RPS6KC1: variants seen among roughly 807,000 people sequenced by gnomAD.
RPS6KC1 encodes the protein inactive ribosomal protein S6 kinase delta-1.
A neutral mutation model predicts 103.8 loss-of-function variants in RPS6KC1; 54 were observed. The ratio of observed to expected loss-of-function variants is 0.52; its 90% CI spans 0.42 to 0.65. The LOEUF is 0.65. RPS6KC1 is among the 30% of genes least tolerant of loss of function. RPS6KC1 has a pLI of 0.00. For synonymous variants in RPS6KC1, 439 were observed against 438.7 expected (o/e 1.00, Z -0.01); for missense variants, 1,151 against 1,253.8 (o/e 0.92, Z 1.24).
the RPS6KC1 span, among the ~76,000 whole-genome samples, chr1:213,674,680 G>T: frequency 6.6e-6 from 1 of 152,184 alleles, no homozygotes; most frequent in Non-Finnish European, 1.5e-5. Context: ...TTGCTGGGTT[G>T]AATGGTAGTT....
At chr1:213,858,437 G>T in the RPS6KC1 span, among the ~76,000 whole-genome samples, 2 of 152,240 alleles carry the variant, frequency 1.3e-5, no homozygotes, top group African/African-American at 2.4e-5. Context: ...GGGGGGCGGT[G>T]GTTCTGAGGC....
At chr1:213,515,647 T>C in the RPS6KC1 span, among the ~76,000 whole-genome samples, 10 of 152,326 alleles carry the variant, frequency 6.6e-5, no homozygotes, top group Non-Finnish European at 1.3e-4. Context: ...GTAGTATAGT[T>C]TGAAGTCAGG....
chr1:213,104,912 T>G (rs183209031), intron 4 of RPS6KC1, among the ~76,000 whole-genome samples: 16 of 152,088 alleles, frequency 1.1e-4, no homozygotes, highest in Admixed American at 7.2e-4. Context: ...AAAAAATTGA[T>G]GCAAAGAGCT....
At chr1:213,684,997 C>T in the RPS6KC1 span, among the ~76,000 whole-genome samples, 1 of 152,152 alleles carries the variant, frequency 6.6e-6, no homozygotes, top group Non-Finnish European at 1.5e-5. Flanking sequence ...CTGTCACTTG[C>T]ATCAAAAAAC....
At chr1:213,399,381 G>T in the RPS6KC1 span, among the ~76,000 whole-genome samples, 1 of 152,172 alleles carries the variant, frequency 6.6e-6, no homozygotes, top group African/African-American at 2.4e-5. Context: ...GCAGACAAGT[G>T]TAGAGTTGAG....
the RPS6KC1 span, among the ~76,000 whole-genome samples, chr1:213,699,236 C>G: frequency 6.6e-6 from 1 of 152,052 alleles, no homozygotes; most frequent in African/African-American, 2.4e-5. Flanking sequence ...CCTCTAGTAA[C>G]CATCCTTCTA....
At chr1:213,506,772 C>G in the RPS6KC1 span, among the ~76,000 whole-genome samples, 1 of 152,154 alleles carries the variant, frequency 6.6e-6, no homozygotes, top group Non-Finnish European at 1.5e-5. Context: ...GGTTTTGATG[C>G]TATAACTCAA....
intron 6 of RPS6KC1, among the ~76,000 whole-genome samples, chr1:213,148,955 A>G (rs1227635374): frequency 6.6e-6 from 1 of 152,132 alleles, no homozygotes; most frequent in Non-Finnish European, 1.5e-5. Context: ...TTTCCAATTT[A>G]TTGACATATA....
intron 14 of RPS6KC1, among the ~76,000 whole-genome samples, chr1:213,271,311 G>C (rs1407596181): frequency 6.6e-6 from 1 of 152,150 alleles, no homozygotes; most frequent in African/African-American, 2.4e-5. Flanking sequence ...AGTGAAAGAA[G>C]GCAGCGTCAA....
At chr1:213,658,745 A>G in the RPS6KC1 span, among the ~76,000 whole-genome samples, 4 of 152,202 alleles carry the variant, frequency 2.6e-5, no homozygotes, top group Non-Finnish European at 5.9e-5. Flanking sequence ...CAGAGTTATA[A>G]AAGGAAATGG....
chr1:213,083,053 A>G (rs2080047530), intron 3 of RPS6KC1, among the ~76,000 whole-genome samples: 1 of 152,196 alleles, frequency 6.6e-6, no homozygotes, highest in African/African-American at 2.4e-5. Context: ...TTAATTGAGT[A>G]AACCCCAATA....
chr1:213,051,599 C>T lies in RPS6KC1; in HGVS notation c.105+90C>T, dbSNP rs553132136. 6.4e-6 allele frequency: 6 copies of T among 944,132 alleles called. No homozygotes were observed. In the South Asian group the frequency reaches 7.4e-5, roughly 12 times the overall value. 58.5% of individuals were successfully genotyped at this position (944,132 alleles called of 1,614,324 possible). A position where few individuals can be genotyped will look rare whatever the true frequency, so the allele number is the denominator to read the frequency against. On this transcript the variant is annotated intron_variant, in intron 1 of 14. Transcript: ENST00000366960. ...CTGATGTGAGGGTACCTGACTCTGG[C>T]TCAGAGCCGAGGGTGGGACTGGGTG...
the RPS6KC1 span, among the ~76,000 whole-genome samples, chr1:213,786,272 C>T: frequency 2.0e-5 from 3 of 152,070 alleles, 1 homozygote; most frequent in South Asian, 6.2e-4. Context: ...AGCCTTAGCC[C>T]CAGCATTCTG....
intron 11 of RPS6KC1, 54 bp downstream of exon 11, chr1:213,242,351 C>CTG (rs1165161553): frequency 2.5e-6 from 4 of 1,580,136 alleles, no homozygotes; most frequent in Non-Finnish European, 3.5e-6. Flanking sequence ...TTCCAATTAA[C>CTG]TGAGTAGGCG....
chr1:213,412,196 G>A, the RPS6KC1 span, among the ~76,000 whole-genome samples: 1 of 152,158 alleles, frequency 6.6e-6, no homozygotes, highest in Admixed American at 6.5e-5. Flanking sequence ...GCCATGGTGT[G>A]GCATTCCTAT....
chr1:213,233,018 A>G (rs923194964), intron 10 of RPS6KC1, among the ~76,000 whole-genome samples: 2 of 152,308 alleles, frequency 1.3e-5, no homozygotes, highest in Admixed American at 6.5e-5. Flanking sequence ...TCGTGAAGGC[A>G]TTGTTATTTT....
chr1:213,290,232 G>C, the RPS6KC1 span, among the ~76,000 whole-genome samples: 2 of 151,422 alleles, frequency 1.3e-5, no homozygotes, highest in Admixed American at 1.3e-4. Context: ...AAAGGGATGA[G>C]AGGCAAAGGC....
chr1:213,699,333 C>T, the RPS6KC1 span, among the ~76,000 whole-genome samples: 2 of 152,086 alleles, frequency 1.3e-5, no homozygotes, highest in Non-Finnish European at 2.9e-5. Flanking sequence ...CTGTACCTGG[C>T]TTATTTCACT....
the RPS6KC1 span, among the ~76,000 whole-genome samples, chr1:213,810,781 T>C: frequency 1.3e-5 from 2 of 152,354 alleles, no homozygotes; most frequent in South Asian, 2.1e-4. Flanking sequence ...TCATTATTGA[T>C]GTAATCTTTT....
Sources: allele counts gnomAD v4.1 joint callset (sites outside exome capture counted in the v4.1 genomes callset), GRCh38; gene constraint gnomAD v4.1.1; transcripts MANE v1.5; gene names NCBI Gene and HGNC (gene_info 2026-07-23, HGNC 2026-07-21).